NDUFS4: variants seen among roughly 807,000 people sequenced by gnomAD.
NDUFS4 encodes NADH dehydrogenase [ubiquinone] iron-sulfur protein 4, mitochondrial.
A neutral mutation model predicts 24.3 loss-of-function variants in NDUFS4; 28 were observed. The observed-to-expected ratio is 1.15, with a 90% CI of 0.85 to 1.58. The LOEUF is 1.58. Ranked by LOEUF, NDUFS4 falls within the 40% of genes most tolerant of loss-of-function variation. NDUFS4 has a pLI of 0.00. For synonymous variants in NDUFS4, 93 were observed against 69.7 expected, an observed-to-expected ratio of 1.34 and a Z score of -1.67; for missense variants, 223 against 207.9, an observed-to-expected ratio of 1.07 and a Z score of -0.45.
At chr5:53,677,146 A>G (rs1179703444) in intron 4 of NDUFS4, among the ~76,000 whole-genome samples, 1 of 152,124 alleles carries the variant, frequency 6.6e-6, no homozygotes, top group African/African-American at 2.4e-5. Context: ...ATGGATTACT[A>G]CCTTGGTTTG....
At chr5:53,600,408 A>G (rs1750274374) in intron 1 of NDUFS4, among the ~76,000 whole-genome samples, 2 of 151,900 alleles carry the variant, frequency 1.3e-5, no homozygotes, top group African/African-American at 4.8e-5. Context: ...CTCCAGGTTC[A>G]AGAGATTCTC....
intron 4 of NDUFS4, among the ~76,000 whole-genome samples, chr5:53,682,373 C>T (rs537196799): frequency 5.9e-4 from 89 of 151,680 alleles, no homozygotes; most frequent in African/African-American, 2.1e-3. Context: ...ATTAGCGGCC[C>T]TTACTTTTTT....
At chr5:53,584,109 A>G (rs1030508182) in intron 1 of NDUFS4, among the ~76,000 whole-genome samples, 3 of 152,224 alleles carry the variant, frequency 2.0e-5, no homozygotes, top group African/African-American at 7.2e-5. Context: ...CATGCATAGA[A>G]AAGTACTTCA....
rs140172554 is a variant in NDUFS4, at chr5:53,658,638, G to GTT, written c.424+18_424+19dup. The stretch of plus-strand genomic sequence containing the variant: ...CAGAAAAAAATGGTATGTTTGGTCT[G>GTT]TTTTTGACAAAGTCAAGATAATGAT... On this transcript the variant is annotated intron_variant, in intron 4 of 4. Coordinates refer to ENST00000296684, the MANE Select transcript of NDUFS4 (RefSeq NM_002495.4). 1 of 1,596,928 alleles carries GTT rather than the reference G, an allele frequency of 6.3e-7. No individual in the cohort carries two copies. Among genetic ancestry groups the GTT allele is most frequent in the South Asian group, 1.1e-5 (1 of 90,706 alleles).
chr5:53,575,953 A>G (rs1749373038), intron 1 of NDUFS4, among the ~76,000 whole-genome samples: 1 of 152,228 alleles, frequency 6.6e-6, no homozygotes, highest in African/African-American at 2.4e-5. Flanking sequence ...CAATACATGT[A>G]CTTGTGGTTG....
At position 53,580,457 on chromosome 5, in the gene NDUFS4, G is replaced by A. The variant is rs115219884; in HGVS notation, c.98+19697G>A. On this transcript the variant is annotated intron_variant, in intron 1 of 4. Transcript: ENST00000296684. ...CCAAAGATGATTTTTGCTATTTGCA[G>A]TTGTTGCCTAACACTGACTTTAGGA... Among the ~76,000 whole-genome samples, 1,225 of 152,296 alleles carry A rather than the reference G, an allele frequency of 8.0e-3. 18 individuals are homozygous for A. The highest frequency in any genetic ancestry group is 0.027 in the African/African-American group (1,143 of 41,564).
At chr5:53,669,346 TTAC>T (rs2111567513) in intron 4 of NDUFS4, among the ~76,000 whole-genome samples, 1 of 152,312 alleles carries the variant, frequency 6.6e-6, no homozygotes, top group Non-Finnish European at 1.5e-5. Context: ...GTTCCAACTC[TTAC>T]TTTCTGCCCT....
chr5:53,612,375 A>G (rs429384), intron 2 of NDUFS4, among the ~76,000 whole-genome samples: 119,163 of 151,978 alleles, frequency 0.78, 46,856 homozygotes, highest in African/African-American at 0.83. Flanking sequence ...CAATTTAAAT[A>G]TATGTGAAAA....
chr5:53,590,053 C>G (rs16881524), intron 1 of NDUFS4, among the ~76,000 whole-genome samples: 19,442 of 152,172 alleles, frequency 0.13, 1,475 homozygotes, highest in Middle Eastern at 0.18. Context: ...GGGTGCCCAG[C>G]TGGAATGACT....
At chr5:53,677,963 G>T (rs1444065622) in intron 4 of NDUFS4, among the ~76,000 whole-genome samples, 2 of 152,120 alleles carry the variant, frequency 1.3e-5, no homozygotes, top group Non-Finnish European at 1.5e-5. Context: ...AGCAATAAAA[G>T]AACTGATGGA....
intron 2 of NDUFS4, among the ~76,000 whole-genome samples, chr5:53,616,409 G>T (rs1022571885): frequency 6.6e-5 from 10 of 152,172 alleles, no homozygotes; most frequent in African/African-American, 2.2e-4. Flanking sequence ...GAATAGCTGG[G>T]GTTTGGGTGG....
chr5:53,628,662 C>T (rs778040953), intron 2 of NDUFS4, among the ~76,000 whole-genome samples: 14 of 152,124 alleles, frequency 9.2e-5, no homozygotes, highest in Non-Finnish European at 1.8e-4. Flanking sequence ...AGTTTATTTG[C>T]ATAGAGTTGT....
rs535277 is a variant in NDUFS4, at chr5:53,658,684, T to G, written c.424+60T>G. On this transcript the variant is annotated intron_variant, in intron 4 of 4. Transcript: ENST00000296684. ...ATGATTTTATGTTCTTAACCTTAATTAAAACCAATTAAGTATACAGAATTT... is the reference window on the plus strand; with the variant it reads ...ATGATTTTATGTTCTTAACCTTAATGAAAACCAATTAAGTATACAGAATTT... 247,025 of 1,411,758 alleles carry G rather than the reference T, an allele frequency of 0.17. 24,570 individuals are homozygous for G. Among genetic ancestry groups the G allele is most frequent in the East Asian group, 0.44 (18,983 of 43,284 alleles). The allele number at this position is 1,411,758 out of a possible 1,614,324, so 87.5% of individuals were successfully genotyped here.
At position 53,605,992 on chromosome 5, in the gene NDUFS4, C is replaced by T. The variant is rs374733216; in HGVS notation, c.177+2462C>T. ...TTGCGCCACTGCACTCCGGCCTGGG[C>T]GATAGAGCGAGACTCCGTCTCAAAA... On this transcript the variant is annotated intron_variant, in intron 2 of 4. Coordinates refer to ENST00000296684, the MANE Select transcript of NDUFS4 (RefSeq NM_002495.4). Among the ~76,000 whole-genome samples the T allele has an allele frequency of 1.3e-3, 154 of 119,112 alleles. 1 individual carries two copies. The highest frequency in any genetic ancestry group is 4.2e-3 in the African/African-American group (129 of 30,396). 78.1% of individuals were successfully genotyped at this position (119,112 alleles called of 152,430 possible).
Position 53,683,299 on chromosome 5 carries a change from C to CATCT in NDUFS4, c.*79_*82dup. 2 of 1,007,436 alleles carry CATCT rather than the reference C, an allele frequency of 2.0e-6. No homozygotes were observed. Among genetic ancestry groups the CATCT allele is most frequent in the Admixed American group, 1.8e-5 (1 of 57,044 alleles). The allele number at this position is 1,007,436 out of a possible 1,614,324, so 62.4% of individuals were successfully genotyped here. A position where few individuals can be genotyped will look rare whatever the true frequency, so the allele number is the denominator to read the frequency against. ...ATTTATAGTCCATGTATAATAAATACATCTCTTAATCTCCTAATAAATTGG... is the reference window on the plus strand; with the variant it reads ...ATTTATAGTCCATGTATAATAAATACATCTATCTCTTAATCTCCTAATAAATTGG... On this transcript the variant is annotated 3_prime_UTR_variant, in exon 5 of 5. Coordinates refer to ENST00000296684, the MANE Select transcript of NDUFS4 (RefSeq NM_002495.4).
At chr5:53,622,493 T>C (rs1012212404) in intron 2 of NDUFS4, among the ~76,000 whole-genome samples, 1 of 152,112 alleles carries the variant, frequency 6.6e-6, no homozygotes, top group African/African-American at 2.4e-5. Flanking sequence ...ATATCTCTTC[T>C]CATAAGGGCA....
At chr5:53,658,401 A>G (rs563590430) in intron 3 of NDUFS4, 150 bp from the exon 4 acceptor site, 62 of 599,782 alleles carry the variant, frequency 1.0e-4, no homozygotes, top group Non-Finnish European at 1.7e-4. Context: ...AGGTATTCCA[A>G]CTAACAGTTT....
At chr5:53,648,753 G>T (rs1751934423) in intron 3 of NDUFS4, among the ~76,000 whole-genome samples, 1 of 152,108 alleles carries the variant, frequency 6.6e-6, no homozygotes, top group Non-Finnish European at 1.5e-5. Flanking sequence ...GCCCTCCTTT[G>T]CAACCAAGAA....
At chr5:53,600,298 C>T (rs1300964031) in intron 1 of NDUFS4, among the ~76,000 whole-genome samples, 1 of 147,582 alleles carries the variant, frequency 6.8e-6, no homozygotes, top group Non-Finnish European at 1.5e-5. Flanking sequence ...CCCGCCCGGC[C>T]TATTTTTATT....
Sources: gnomAD v4.1 joint callset for allele counts (sites outside exome capture counted in the v4.1 genomes callset) on GRCh38, gnomAD v4.1.1 for gene constraint, MANE v1.5 for transcripts, NCBI Gene and HGNC (gene_info 2026-07-23, HGNC 2026-07-21) for gene names.